EPHB1: variants seen among roughly 807,000 people sequenced by gnomAD.
The protein encoded by EPHB1 is ephrin type-B receptor 1.
Under a neutral mutation model 94.4 loss-of-function variants are expected in EPHB1, and 30 were observed. The observed-to-expected ratio is 0.32, with a 90% CI of 0.24 to 0.43. The LOEUF (loss-of-function observed/expected upper bound fraction) is 0.43, where lower values mean the gene tolerates loss of function less well. EPHB1 is among the 20% of genes least tolerant of loss of function. The probability of loss-of-function intolerance (pLI) is 1.00; values close to 1 mark genes in which losing one functional copy is unlikely to be tolerated. For missense variants in EPHB1, 1,055 were observed against 1,308.3 expected (o/e 0.81, Z 2.99); for synonymous variants, 522 against 489.1 (o/e 1.07, Z -0.89).
intron 3 of EPHB1, among the ~76,000 whole-genome samples, chr3:135,002,704 G>A (rs1260454694): frequency 6.6e-6 from 1 of 152,140 alleles, no homozygotes; most frequent in Non-Finnish European, 1.5e-5. Flanking sequence ...TATGTGTGAA[G>A]GAATTTATCC....
At chr3:135,158,381 G>T (rs1941416413) in intron 6 of EPHB1, among the ~76,000 whole-genome samples, 1 of 152,126 alleles carries the variant, frequency 6.6e-6, no homozygotes, top group Non-Finnish European at 1.5e-5. Context: ...TATGGTTTTT[G>T]CCCCAACTGC....
intron 1 of EPHB1, among the ~76,000 whole-genome samples, chr3:134,908,130 C>T (rs770368848): frequency 6.6e-6 from 1 of 152,264 alleles, no homozygotes; most frequent in Non-Finnish European, 1.5e-5. Context: ...TTACAAAGCC[C>T]ACACTGCAGT....
At chr3:135,173,827 C>T (rs778047000) in intron 9 of EPHB1, among the ~76,000 whole-genome samples, 3 of 152,208 alleles carry the variant, frequency 2.0e-5, no homozygotes, top group Non-Finnish European at 4.4e-5. Flanking sequence ...ACGTCTAAAA[C>T]CACATGTGCC....
intron 1 of EPHB1, among the ~76,000 whole-genome samples, chr3:134,845,902 A>G (rs2036863641): frequency 6.6e-6 from 1 of 152,160 alleles, no homozygotes; most frequent in Non-Finnish European, 1.5e-5. Flanking sequence ...AACTACCCAC[A>G]CAATACCCCT....
chr3:134,811,284 G>A (rs2036175405), intron 1 of EPHB1, among the ~76,000 whole-genome samples: 1 of 91,270 alleles, frequency 1.1e-5, no homozygotes. Context: ...CTGTCCCCAG[G>A]CTGGAGTGCA....
chr3:134,869,773 G>T (rs1368688803), intron 1 of EPHB1, among the ~76,000 whole-genome samples: 3 of 152,046 alleles, frequency 2.0e-5, no homozygotes, highest in Non-Finnish European at 4.4e-5. Context: ...TGCATTTGTT[G>T]TGTCTTTCCA....
At chr3:135,117,280 C>A (rs538293312) in intron 4 of EPHB1, among the ~76,000 whole-genome samples, 2 of 152,314 alleles carry the variant, frequency 1.3e-5, no homozygotes, top group Admixed American at 6.5e-5. Flanking sequence ...TATGTGAAAG[C>A]CAGCATTTTG....
At chr3:135,118,020 T>A (rs1442135291) in intron 4 of EPHB1, among the ~76,000 whole-genome samples, 1 of 152,136 alleles carries the variant, frequency 6.6e-6, no homozygotes, top group Non-Finnish European at 1.5e-5. Context: ...CCATGAGCAA[T>A]AATGGAAAGC....
chr3:134,973,507 C>T (rs1004664894), intron 3 of EPHB1, among the ~76,000 whole-genome samples: 1 of 143,624 alleles, frequency 7.0e-6, no homozygotes, highest in Non-Finnish European at 1.5e-5. Context: ...TCTTGGCTCA[C>T]TGCAACCTCC....
intron 2 of EPHB1, among the ~76,000 whole-genome samples, chr3:134,929,475 G>T (rs980125231): frequency 6.6e-6 from 1 of 152,244 alleles, no homozygotes; most frequent in Non-Finnish European, 1.5e-5. Context: ...TCCTTCAGCT[G>T]CCTGACTGCC....
chr3:134,916,862 G>A (rs1226347330), intron 1 of EPHB1, among the ~76,000 whole-genome samples: 1 of 152,224 alleles, frequency 6.6e-6, no homozygotes, highest in African/African-American at 2.4e-5. Context: ...TGGGTGCTGA[G>A]GCCGAGGAGG....
At chr3:135,096,836 G>A (rs988476758) in intron 3 of EPHB1, among the ~76,000 whole-genome samples, 1 of 152,196 alleles carries the variant, frequency 6.6e-6, no homozygotes, top group Non-Finnish European at 1.5e-5. Flanking sequence ...AATGGCTCAT[G>A]CCTGTAGTGC....
At chr3:134,998,093 C>G (rs1159285277) in intron 3 of EPHB1, among the ~76,000 whole-genome samples, 1 of 152,192 alleles carries the variant, frequency 6.6e-6, no homozygotes, top group Non-Finnish European at 1.5e-5. Flanking sequence ...CTTGATGTAT[C>G]TCTGCTCTGC....
At chr3:134,820,604 T>G (rs1028591243) in intron 1 of EPHB1, among the ~76,000 whole-genome samples, 1 of 152,184 alleles carries the variant, frequency 6.6e-6, no homozygotes, top group African/African-American at 2.4e-5. Flanking sequence ...CCAGAATAAT[T>G]AGAGCTCAAG....
chr3:135,085,378 C>T (rs149598817), intron 3 of EPHB1, among the ~76,000 whole-genome samples: 1,771 of 152,306 alleles, frequency 0.012, 25 homozygotes, highest in Admixed American at 0.036. Flanking sequence ...CATCAAGAGT[C>T]ATTTAGAACT....
chr3:135,005,427 C>T (rs574513525), intron 3 of EPHB1, among the ~76,000 whole-genome samples: 105 of 152,348 alleles, frequency 6.9e-4, no homozygotes, highest in African/African-American at 1.7e-3. Flanking sequence ...CTGTGCCCTG[C>T]CCCCAGAGGT....
intron 1 of EPHB1, among the ~76,000 whole-genome samples, chr3:134,834,325 G>A (rs564281393): frequency 5.9e-5 from 9 of 152,116 alleles, no homozygotes; most frequent in Non-Finnish European, 4.4e-5. Flanking sequence ...GAGATCAAAC[G>A]CACATGTGAT....
At chr3:134,799,929 AC>A (rs1355203085) in intron 1 of EPHB1, among the ~76,000 whole-genome samples, 3 of 151,850 alleles carry the variant, frequency 2.0e-5, no homozygotes, top group African/African-American at 7.3e-5. Context: ...CAGCACCATG[AC>A]CCCCTCCTCT....
chr3:135,212,847 T>A (rs1943062866), intron 12 of EPHB1, among the ~76,000 whole-genome samples: 1 of 152,236 alleles, frequency 6.6e-6, no homozygotes, highest in African/African-American at 2.4e-5. Context: ...TTCTCTTGTG[T>A]TTTTCTTCCT....
Sources: gnomAD v4.1 joint callset for allele counts (sites outside exome capture counted in the v4.1 genomes callset) on GRCh38, gnomAD v4.1.1 for gene constraint, MANE v1.5 for transcripts, NCBI Gene and HGNC (gene_info 2026-07-23, HGNC 2026-07-21) for gene names.